The following PIWIL3 variants were observed in gnomAD, a reference collection of about 807,000 sequenced individuals.
The protein encoded by PIWIL3 is piwi-like protein 3.
PIWIL3 carries 101 observed loss-of-function variants against 109.7 expected under a neutral mutation model. The ratio of observed to expected loss-of-function variants is 0.92; its 90% CI spans 0.78 to 1.09. PIWIL3 has a LOEUF of 1.09. Ranked by LOEUF, PIWIL3 falls within the 50% of genes least tolerant of loss-of-function variation. PIWIL3 has a pLI of 0.00. For missense variants in PIWIL3, 1,031 were observed against 1,072.6 expected (o/e 0.96, Z 0.54); for synonymous variants, 373 against 376.4 (o/e 0.99, Z 0.10).
chr22:24,741,862 C>T (rs1190865283), intron 12 of PIWIL3, among the ~76,000 whole-genome samples: 3 of 150,884 alleles, frequency 2.0e-5, no homozygotes. Flanking sequence ...CCCGTTTCAC[C>T]ACTTCTATGA....
chr22:24,751,370 GA>G lies in PIWIL3; in HGVS notation c.1089+16del, dbSNP rs756856927. On this transcript the variant is annotated intron_variant, in intron 9 of 20. Transcript: ENST00000616349. ...GGTTTACAATTTAAATATATTTAAA[GA>G]AATACAGTTTCATACCTGCCTGTAG... The G allele has an allele frequency of 6.4e-7, 1 of 1,572,228 alleles. No homozygotes were observed.
intron 19 of PIWIL3, among the ~76,000 whole-genome samples, 183 bp from the exon 20 acceptor site, chr22:24,720,078 G>T (rs1188820270): frequency 2.0e-5 from 3 of 152,036 alleles, no homozygotes; most frequent in African/African-American, 7.2e-5. Flanking sequence ...TCTATAGAAG[G>T]CAATTAAATC....
chr22:24,737,567 G>T (rs1436295183), intron 12 of PIWIL3, among the ~76,000 whole-genome samples: 5 of 152,180 alleles, frequency 3.3e-5, no homozygotes, highest in African/African-American at 1.2e-4. Flanking sequence ...GGGAAAAGTG[G>T]AAGAGTAAAG....
At position 24,762,460 on chromosome 22, in the gene PIWIL3, G is replaced by A. The variant is rs151330486; in HGVS notation, c.40C>T (p.Arg14Cys). 17 of 1,613,766 alleles carry A rather than the reference G, an allele frequency of 1.1e-5. No homozygotes were observed. The highest frequency in any genetic ancestry group is 1.6e-4 in the Middle Eastern group (1 of 6,082). Residue 14 changes from arginine to cysteine, a missense_variant, in exon 2 of 21, where the codon CGC becomes TGC. Arg to Cys is a radical substitution (Grantham distance 180). Coordinates refer to ENST00000616349, the MANE Select transcript of PIWIL3 (RefSeq NM_001255975.1). ...RARTRARGRA[R>C]RRESYQQEAP... Reference sequence around the variant, plus strand: ...TCTTGTTGGTAGCTCTCCCTGCGGCGGGCTCTGCCTCGGGCGCGAGTCCTT... The same window carrying A: ...TCTTGTTGGTAGCTCTCCCTGCGGCAGGCTCTGCCTCGGGCGCGAGTCCTT...
At chr22:24,761,959 A>T (rs1327842340) in intron 2 of PIWIL3, 1 of 987,898 alleles carries the variant, frequency 1.0e-6, no homozygotes, top group Non-Finnish European at 1.2e-6. Context: ...GCCACTATGG[A>T]TCCTGCTGTG....
intron 14 of PIWIL3, among the ~76,000 whole-genome samples, chr22:24,730,152 G>T (rs1923253554): frequency 6.6e-6 from 1 of 151,942 alleles, no homozygotes; most frequent in Non-Finnish European, 1.5e-5. Flanking sequence ...AGATCACAAG[G>T]TCAGGAGTTC....
chr22:24,741,234 G>A (rs998693342), intron 12 of PIWIL3, among the ~76,000 whole-genome samples: 1 of 152,154 alleles, frequency 6.6e-6, no homozygotes, highest in Non-Finnish European at 1.5e-5. Context: ...AAACCTCATG[G>A]CCAGGCGCGG....
At chr22:24,744,855 T>C (rs537186435) in intron 12 of PIWIL3, among the ~76,000 whole-genome samples, 3 of 152,230 alleles carry the variant, frequency 2.0e-5, no homozygotes, top group African/African-American at 7.2e-5. Context: ...AAAAGGGAAA[T>C]GTTGGCCTTA....
chr22:24,758,225 G>T (rs2147712543), intron 3 of PIWIL3, among the ~76,000 whole-genome samples, 186 bp from the exon 4 acceptor site: 1 of 152,296 alleles, frequency 6.6e-6, no homozygotes, highest in East Asian at 1.9e-4. Context: ...GGAGTCCCCA[G>T]TTCACATCCG....
intron 12 of PIWIL3, among the ~76,000 whole-genome samples, chr22:24,737,149 A>G (rs1379947483): frequency 6.6e-6 from 1 of 152,164 alleles, no homozygotes; most frequent in Non-Finnish European, 1.5e-5. Context: ...CCCCAACTCA[A>G]TGGCAGCACA....
rs71189272 is a variant in PIWIL3, at chr22:24,740,218, C to CAAA, written c.1450-4329_1450-4327dup. On this transcript the variant is annotated intron_variant, in intron 12 of 20. Coordinates refer to ENST00000616349, the MANE Select transcript of PIWIL3 (RefSeq NM_001255975.1). Reference sequence around the variant, plus strand: ...CCTGGGCAACGGAGGGAGACTGTCTCAAAAAAAAAAAAAAAATTTCTAAAA... The same window carrying CAAA: ...CCTGGGCAACGGAGGGAGACTGTCTCAAAAAAAAAAAAAAAAAAATTTCTAAAA... Among the ~76,000 whole-genome samples, 438 of 63,894 alleles carry CAAA rather than the reference C, an allele frequency of 6.9e-3. 32 individuals are homozygous for CAAA. The highest frequency in any genetic ancestry group is 0.024 in the African/African-American group (387 of 16,426). 41.9% of individuals were successfully genotyped at this position (63,894 alleles called of 152,430 possible).
Position 24,753,944 on chromosome 22 carries a change from A to T in PIWIL3, c.977+70T>A. On this transcript the variant is annotated intron_variant, in intron 8 of 20. Coordinates refer to ENST00000616349, the MANE Select transcript of PIWIL3 (RefSeq NM_001255975.1). ...CAACATTTAGTGATTAGAAAACTATAGGACCATCTCTTGGGGTGGGGGAAG... is the reference window on the plus strand; with the variant it reads ...CAACATTTAGTGATTAGAAAACTATTGGACCATCTCTTGGGGTGGGGGAAG... 3 of 1,328,626 alleles carry T rather than the reference A, an allele frequency of 2.3e-6. No homozygotes were observed. In the South Asian group the frequency reaches 3.9e-5, roughly 17 times the overall value. The allele number at this position is 1,328,626 out of a possible 1,614,324, so 82.3% of individuals were successfully genotyped here. A position where few individuals can be genotyped will look rare whatever the true frequency, so the allele number is the denominator to read the frequency against.
intron 12 of PIWIL3, among the ~76,000 whole-genome samples, chr22:24,737,104 C>A (rs1418933992): frequency 3.9e-5 from 6 of 152,196 alleles, no homozygotes; most frequent in African/African-American, 7.2e-5. Context: ...GAGGCACCAG[C>A]CAGGGTAGCT....
chr22:24,741,932 C>CCAAATCGG (rs1432811306), intron 12 of PIWIL3, among the ~76,000 whole-genome samples: 3 of 151,636 alleles, frequency 2.0e-5, no homozygotes, highest in Non-Finnish European at 2.9e-5. Flanking sequence ...TAAAGGACAT[C>CCAAATCGG]CAAATCGGCA....
At chr22:24,764,712 A>G (rs1324503525) in intron 1 of PIWIL3, among the ~76,000 whole-genome samples, 2 of 146,394 alleles carry the variant, frequency 1.4e-5, no homozygotes, top group African/African-American at 2.6e-5. Context: ...GAGTGCAACA[A>G]TGCAATCTCC....
At chr22:24,754,937 G>GA (rs372090849) in intron 6 of PIWIL3, 73 bp from the exon 7 acceptor site, 95 of 1,288,564 alleles carry the variant, frequency 7.4e-5, no homozygotes, top group South Asian at 3.2e-4. Flanking sequence ...ACACATAAGG[G>GA]AAAAAAAATC....
chr22:24,762,176 G>T, intron 2 of PIWIL3: 1 of 960,208 alleles, frequency 1.0e-6, no homozygotes, highest in Non-Finnish European at 1.4e-6. Flanking sequence ...AAGTCAGTCT[G>T]CTTGCACATG....
Position 24,759,990 on chromosome 22 carries a change from C to A in PIWIL3, c.103-1G>T. On this transcript the variant is annotated splice_acceptor_variant, in intron 2 of 20. Transcript: ENST00000616349. LOFTEE classifies it high-confidence loss of function. ...ACTGCAACTGAGGGGGCTCCTGGGT[C>A]TGCATGTTTTTGGAAATAGAAATAA... The A allele has an allele frequency of 6.2e-7, 1 of 1,613,950 alleles. No homozygotes were observed. Among genetic ancestry groups the A allele is most frequent in the Non-Finnish European group, 8.5e-7 (1 of 1,179,998 alleles).
chr22:24,755,478 A>C (rs1428410831), intron 6 of PIWIL3, among the ~76,000 whole-genome samples: 1 of 152,246 alleles, frequency 6.6e-6, no homozygotes, highest in Non-Finnish European at 1.5e-5. Flanking sequence ...TAGTGACCAC[A>C]GAATAAAAAA....
Sources: gnomAD v4.1 joint callset for allele counts (sites outside exome capture counted in the v4.1 genomes callset) on GRCh38, gnomAD v4.1.1 for gene constraint, MANE v1.5 for transcripts, NCBI Gene and HGNC (gene_info 2026-07-23, HGNC 2026-07-21) for gene names.